COL22A1: variants seen among roughly 807,000 people sequenced by gnomAD.
The protein encoded by COL22A1 is collagen type XXII alpha 1 chain, also known as collagen alpha-1(XXII) chain.
In COL22A1, 221 loss-of-function variants were observed where a neutral mutation model predicts 248.9. That is an observed-to-expected ratio of 0.89 (90% CI 0.80 to 0.99). The LOEUF is 0.99. Ranked by LOEUF, COL22A1 falls within the 50% of genes least tolerant of loss-of-function variation. The pLI, the probability that COL22A1 is intolerant of heterozygous loss-of-function variation, is 0.00. For synonymous variants in COL22A1, 891 were observed against 793.4 expected (o/e 1.12, Z -2.07); for missense variants, 2,240 against 2,179.0 (o/e 1.03, Z -0.56).
intron 3 of COL22A1, among the ~76,000 whole-genome samples, chr8:138,846,208 T>G (rs917045330): frequency 6.6e-6 from 1 of 152,160 alleles, no homozygotes; most frequent in African/African-American, 2.4e-5. Flanking sequence ...GGGGTGACGA[T>G]CAATTGCTTT....
intron 3 of COL22A1, among the ~76,000 whole-genome samples, chr8:138,867,279 C>A (rs1270655214): frequency 6.6e-6 from 1 of 152,112 alleles, no homozygotes; most frequent in Non-Finnish European, 1.5e-5. Context: ...GAGGGTCTTC[C>A]CTGCTGGAAT....
intron 44 of COL22A1, among the ~76,000 whole-genome samples, chr8:138,657,696 C>T (rs1281878184): frequency 2.0e-5 from 3 of 152,158 alleles, no homozygotes; most frequent in Non-Finnish European, 1.5e-5. Flanking sequence ...TCACTCATGT[C>T]ACCTGTTGTT....
chr8:138,721,577 A>G (rs925570201), intron 26 of COL22A1, among the ~76,000 whole-genome samples: 2 of 151,966 alleles, frequency 1.3e-5, no homozygotes, highest in African/African-American at 4.8e-5. Flanking sequence ...TAAATACATA[A>G]ATAAACGTAT....
chr8:138,688,461 T>C (rs1287445300), intron 37 of COL22A1, among the ~76,000 whole-genome samples: 1 of 151,732 alleles, frequency 6.6e-6, no homozygotes, highest in Non-Finnish European at 1.5e-5. Context: ...GCAGAGGTTG[T>C]AGTGAGTGGA....
Position 138,634,879 on chromosome 8 carries a change from T to C in COL22A1, c.3609+131A>G. The C allele has an allele frequency of 4.2e-6, 3 of 717,602 alleles. No homozygotes were observed. In the South Asian group the frequency reaches 5.1e-5, roughly 12 times the overall value. The allele number at this position is 717,602 out of a possible 1,614,324, so 44.5% of individuals were successfully genotyped here. A position where few individuals can be genotyped will look rare whatever the true frequency, so the allele number is the denominator to read the frequency against. ...GGGACTTGCATTTTTAGGACAACTC[T>C]GTCACCTTTTGGGTGTTGGGCCATC... On this transcript the variant is annotated intron_variant, in intron 49 of 64. Transcript: ENST00000303045.
chr8:138,699,301 T>G (rs1189036450), intron 32 of COL22A1, among the ~76,000 whole-genome samples: 1 of 152,116 alleles, frequency 6.6e-6, no homozygotes, highest in Non-Finnish European at 1.5e-5. Flanking sequence ...TTCTTTTGCA[T>G]CACACGCAGG....
intron 5 of COL22A1, among the ~76,000 whole-genome samples, chr8:138,830,717 G>C (rs1819978224): frequency 6.6e-6 from 1 of 152,166 alleles, no homozygotes; most frequent in African/African-American, 2.4e-5. Context: ...CCTTCCACTA[G>C]ATTTGTGTAA....
intron 12 of COL22A1, among the ~76,000 whole-genome samples, chr8:138,788,743 A>T (rs1342950537): frequency 1.3e-5 from 2 of 148,662 alleles, no homozygotes; most frequent in Non-Finnish European, 2.9e-5. Context: ...TTTGGTTTAT[A>T]AAAAAATGGA....
chr8:138,894,228 A>AGT (rs1425287536), intron 1 of COL22A1, among the ~76,000 whole-genome samples: 1 of 152,210 alleles, frequency 6.6e-6, no homozygotes, highest in Non-Finnish European at 1.5e-5. Flanking sequence ...CCCTGGGGCC[A>AGT]GTGGATGTTT....
At chr8:138,734,040 T>C (rs966690948) in intron 23 of COL22A1, among the ~76,000 whole-genome samples, 2 of 152,206 alleles carry the variant, frequency 1.3e-5, no homozygotes, top group African/African-American at 4.8e-5. Flanking sequence ...GCTCAGCAAC[T>C]GACCCTGCCT....
rs1285283705 is a variant in COL22A1, at chr8:138,878,311, T to G, written c.97A>C (p.Lys33Gln). Residue 33 changes from lysine to glutamine, a missense_variant, in exon 3 of 65, where the codon AAA (lysine) becomes CAA (glutamine). Lys to Gln is a moderately conservative substitution (Grantham distance 53). Coordinates refer to ENST00000303045, the MANE Select transcript of COL22A1 (RefSeq NM_152888.3). The part of the protein sequence containing the change: ...GGCQAQRAGC[K>Q]SVHYDLVFLL... ...AAGACCAGATCGTAGTGGACACTTT[T>G]GCAACCTGCAGGGGTGAGAGAAGGG... The G allele has an allele frequency of 6.5e-7, 1 of 1,542,340 alleles. No homozygotes were observed.
At chr8:138,653,390 C>T (rs1160867128) in intron 45 of COL22A1, among the ~76,000 whole-genome samples, 3 of 152,124 alleles carry the variant, frequency 2.0e-5, no homozygotes, top group East Asian at 1.9e-4. Context: ...AGAGAGGCTA[C>T]GCGTAAGGCT....
chr8:138,806,086 A>AG (rs1563788376), intron 10 of COL22A1, among the ~76,000 whole-genome samples: 1 of 4,962 alleles, frequency 2.0e-4, no homozygotes. Context: ...TGGTGTGTGT[A>AG]ATGGTGTGTG....
chr8:138,715,444 C>A (rs777787051), intron 30 of COL22A1, among the ~76,000 whole-genome samples: 1 of 151,924 alleles, frequency 6.6e-6, no homozygotes, highest in South Asian at 2.1e-4. Context: ...TGGGGCATGC[C>A]TGTAATCCCA....
Position 138,703,341 on chromosome 8 carries a change from C to G in COL22A1, c.2524G>C (p.Ala842Pro). 1 of 1,613,670 alleles carries G rather than the reference C, an allele frequency of 6.2e-7. No individual in the cohort carries two copies. The highest frequency in any genetic ancestry group is 8.5e-7 in the Non-Finnish European group (1 of 1,179,632). The change falls in exon 31 of 65, where the codon GCT (alanine) becomes CCT (proline). Residue 842 changes from alanine (A) to proline (P), a missense_variant. Coordinates refer to ENST00000303045, the MANE Select transcript of COL22A1 (RefSeq NM_152888.3). The part of the protein sequence containing the change: ...LKGDRGEKGE[A>P]GPAGPPGLPG... Reference sequence around the variant, plus strand: ...AACCCGGGAGGGCCTGCAGGACCAGCTTCACCCTAGATGGAGAAATGGAAA... The same window carrying G: ...AACCCGGGAGGGCCTGCAGGACCAGGTTCACCCTAGATGGAGAAATGGAAA...
At chr8:138,836,797 C>G (rs1215292512) in intron 4 of COL22A1, among the ~76,000 whole-genome samples, 2 of 152,192 alleles carry the variant, frequency 1.3e-5, no homozygotes, top group Non-Finnish European at 2.9e-5. Context: ...TTTTACATAA[C>G]AGTTAATTTG....
Position 138,594,016 on chromosome 8 carries a change from C to T in COL22A1, c.4615+1G>A, listed in dbSNP as rs1333809746. The T allele has an allele frequency of 6.4e-7, 1 of 1,561,628 alleles. No homozygotes were observed. Among genetic ancestry groups the T allele is most frequent in the Non-Finnish European group, 8.6e-7 (1 of 1,161,800 alleles). ...CATATCTCCTCCAGGTCTTCACTCACCTTTGGGACCTATGGGTCCAGAGGG... is the reference window on the plus strand; with the variant it reads ...CATATCTCCTCCAGGTCTTCACTCATCTTTGGGACCTATGGGTCCAGAGGG... On this transcript the variant is annotated splice_donor_variant, in intron 63 of 64. Transcript: ENST00000303045. LOFTEE classifies it high-confidence loss of function.
At chr8:138,684,280 T>A in intron 39 of COL22A1, 145 bp downstream of exon 39, 1 of 702,740 alleles carries the variant, frequency 1.4e-6, no homozygotes. Flanking sequence ...AAAAAAGTCC[T>A]AGAACCTTTA....
chr8:138,663,011 G>GTC (rs1824111881), intron 42 of COL22A1, among the ~76,000 whole-genome samples: 1 of 25,970 alleles, frequency 3.9e-5, no homozygotes, highest in Admixed American at 3.8e-4. Context: ...GCAGGACTCT[G>GTC]TCACTCACAC....
Sources: gnomAD v4.1 joint callset for allele counts (sites outside exome capture counted in the v4.1 genomes callset) on GRCh38, gnomAD v4.1.1 for gene constraint, MANE v1.5 for transcripts, NCBI Gene and HGNC (gene_info 2026-07-23, HGNC 2026-07-21) for gene names.